DOCK5: variants seen among roughly 807,000 people sequenced by gnomAD.
DOCK5 encodes dedicator of cytokinesis 5, also known as dedicator of cytokinesis protein 5.
A neutral mutation model predicts 251.8 loss-of-function variants in DOCK5; 142 were observed. The ratio of observed to expected loss-of-function variants is 0.56; its 90% confidence interval spans 0.49 to 0.65. The LOEUF is 0.65. Ranked by LOEUF, DOCK5 falls within the 30% of genes least tolerant of loss-of-function variation. The probability of loss-of-function intolerance (pLI) is 0.00; values close to 1 mark genes in which losing one functional copy is unlikely to be tolerated. For synonymous variants in DOCK5, 842 were observed against 835.5 expected, an observed-to-expected ratio of 1.01 and a Z score of -0.13; for missense variants, 2,111 against 2,312.3, an observed-to-expected ratio of 0.91 and a Z score of 1.79.
intron 5 of DOCK5, among the ~76,000 whole-genome samples, chr8:25,282,576 T>A (rs904695274): frequency 1.3e-5 from 2 of 152,144 alleles, no homozygotes; most frequent in Non-Finnish European, 2.9e-5. Context: ...TAAAGACACC[T>A]GTGGCCAGCT....
chr8:25,238,672 C>A (rs539539281), intron 1 of DOCK5, among the ~76,000 whole-genome samples: 1 of 152,122 alleles, frequency 6.6e-6, no homozygotes, highest in South Asian at 2.1e-4. Flanking sequence ...TTTTAGTAAC[C>A]CTTTCTTGAG....
At chr8:25,244,376 C>A (rs1803039995) in intron 2 of DOCK5, among the ~76,000 whole-genome samples, 1 of 152,246 alleles carries the variant, frequency 6.6e-6, no homozygotes, top group Admixed American at 6.5e-5. Flanking sequence ...AGGCTTCCAA[C>A]TTCAGCTCAG....
At chr8:25,342,834 G>A in intron 25 of DOCK5, among the ~76,000 whole-genome samples, 1 of 38 alleles carries the variant, frequency 0.026, no homozygotes, top group South Asian at 0.5. Context: ...AAGTAGCTGG[G>A]ACTACAAGGA....
chr8:25,383,131 C>T (rs1801100698), intron 40 of DOCK5, among the ~76,000 whole-genome samples: 1 of 151,958 alleles, frequency 6.6e-6, no homozygotes, highest in Admixed American at 6.6e-5. Flanking sequence ...AATAGGTATC[C>T]CAAGAACCAG....
chr8:25,383,233 A>T (rs1801102398), intron 40 of DOCK5, among the ~76,000 whole-genome samples: 1 of 152,232 alleles, frequency 6.6e-6, no homozygotes, highest in South Asian at 2.1e-4. Context: ...GTATAATGCG[A>T]TATTCAATTT....
At chr8:25,368,916 T>C (rs1800825330) in intron 33 of DOCK5, among the ~76,000 whole-genome samples, 191 bp downstream of exon 33, 1 of 152,214 alleles carries the variant, frequency 6.6e-6, no homozygotes, top group South Asian at 2.1e-4. Context: ...CTGGAAAAGA[T>C]TTTTTTGCTA....
intron 5 of DOCK5, among the ~76,000 whole-genome samples, chr8:25,284,127 C>T (rs1317290660): frequency 6.6e-6 from 1 of 152,210 alleles, no homozygotes; most frequent in Non-Finnish European, 1.5e-5. Flanking sequence ...CAGAAGGCTA[C>T]TAGCTGATCC....
chr8:25,208,023 AAT>A (rs1451637561), intron 1 of DOCK5, among the ~76,000 whole-genome samples: 12 of 152,192 alleles, frequency 7.9e-5, no homozygotes, highest in African/African-American at 2.9e-4. Context: ...AATTGATTCC[AAT>A]TCTCATGGAT....
chr8:25,252,902 G>T (rs1803308954), intron 2 of DOCK5, among the ~76,000 whole-genome samples: 1 of 152,098 alleles, frequency 6.6e-6, no homozygotes, highest in Admixed American at 6.5e-5. Flanking sequence ...TGCAATCTTG[G>T]CTCACTACAA....
intron 1 of DOCK5, among the ~76,000 whole-genome samples, chr8:25,239,305 G>A (rs1457528663): frequency 6.7e-6 from 1 of 148,916 alleles, no homozygotes; most frequent in African/African-American, 2.5e-5. Flanking sequence ...CCGGTCTTTG[G>A]TGTGTGCGTG....
chr8:25,290,771 G>A (rs1336991142), intron 5 of DOCK5, among the ~76,000 whole-genome samples: 1 of 152,148 alleles, frequency 6.6e-6, no homozygotes, highest in Non-Finnish European at 1.5e-5. Flanking sequence ...AGCTAAGCAG[G>A]GAGGCAGATG....
At chr8:25,388,605 TCTC>T (rs570382123) in intron 40 of DOCK5, among the ~76,000 whole-genome samples, 2 of 152,256 alleles carry the variant, frequency 1.3e-5, no homozygotes, top group South Asian at 2.1e-4. Context: ...ACACATTGCT[TCTC>T]CTCATTCTCT....
At chr8:25,377,202 A>G in intron 37 of DOCK5, 103 bp from the exon 38 acceptor site, 4 of 1,406,230 alleles carry the variant, frequency 2.8e-6, no homozygotes, top group South Asian at 1.6e-5. Flanking sequence ...TACATAATCT[A>G]AAATACAAAA....
chr8:25,391,535 G>A (rs1801260120), intron 42 of DOCK5, among the ~76,000 whole-genome samples: 1 of 152,104 alleles, frequency 6.6e-6, no homozygotes, highest in South Asian at 2.1e-4. Flanking sequence ...CTACTCAGGT[G>A]GCTGAGGTAG....
chr8:25,410,972 T>TGTGC (rs1331552371), intron 51 of DOCK5, among the ~76,000 whole-genome samples: 2 of 19,168 alleles, frequency 1.0e-4, no homozygotes, highest in African/African-American at 3.0e-4. Context: ...TGTGTGTGTG[T>TGTGC]GCGCGCGCGC....
rs549352005 is a variant in DOCK5 at position 25,380,554 on chromosome 8, G to A, written c.4026+160G>A. On this transcript the variant is annotated intron_variant, in intron 39 of 51. Transcript: ENST00000276440. Reference sequence around the variant, plus strand: ...AGAATGAAAAAAGATGTAGTCCAAAGGCTCTGATCAATATTTCTGCCAAAT... The same window carrying A: ...AGAATGAAAAAAGATGTAGTCCAAAAGCTCTGATCAATATTTCTGCCAAAT... Among the ~76,000 whole-genome samples, 8 of 152,284 alleles carry A rather than the reference G, an allele frequency of 5.3e-5. No individual in the cohort carries two copies. The South Asian group carries it at 1.7e-3, about 32-fold the overall frequency.
intron 1 of DOCK5, among the ~76,000 whole-genome samples, chr8:25,241,437 C>T (rs1019325720): frequency 4.6e-5 from 7 of 151,704 alleles, no homozygotes; most frequent in African/African-American, 7.3e-5. Context: ...AAGATCACTC[C>T]ACTGCACTCC....
intron 48 of DOCK5, among the ~76,000 whole-genome samples, chr8:25,406,864 G>T (rs1315637135): frequency 2.0e-5 from 3 of 152,008 alleles, no homozygotes; most frequent in Non-Finnish European, 2.9e-5. Flanking sequence ...CTGACCTCAT[G>T]ATCCGCCCAC....
At chr8:25,383,958 T>A (rs1306875478) in intron 40 of DOCK5, among the ~76,000 whole-genome samples, 1 of 152,202 alleles carries the variant, frequency 6.6e-6, no homozygotes, top group Non-Finnish European at 1.5e-5. Flanking sequence ...CTTACCCTTT[T>A]ACAAAAAATG....
Sources: gnomAD v4.1 joint callset for allele counts (sites outside exome capture counted in the v4.1 genomes callset) on GRCh38, gnomAD v4.1.1 for gene constraint, MANE v1.5 for transcripts, NCBI Gene and HGNC (gene_info 2026-07-23, HGNC 2026-07-21) for gene names.